NEGR1: variants seen among roughly 807,000 people sequenced by gnomAD.
NEGR1 encodes neuronal growth regulator 1.
NEGR1 carries 10 observed loss-of-function variants against 40.9 expected under a neutral mutation model. The observed-to-expected ratio is 0.24, with a 90% CI of 0.15 to 0.42. NEGR1 has a LOEUF of 0.42. Among genes scored for constraint, NEGR1 ranks in the 10% least tolerant of loss-of-function variants. The probability of loss-of-function intolerance (pLI) is 1.00; values close to 1 mark genes in which losing one functional copy is unlikely to be tolerated. For synonymous variants in NEGR1, 185 were observed against 166.8 expected (o/e 1.11, Z -0.84); for missense variants, 352 against 438.9 (o/e 0.80, Z 1.77).
intron 1 of NEGR1, among the ~76,000 whole-genome samples, chr1:72,213,914 A>G (rs1653700440): frequency 6.6e-6 from 1 of 152,072 alleles, no homozygotes; most frequent in African/African-American, 2.4e-5. Context: ...CACAACAAAA[A>G]AAGAAAATTT....
chr1:71,727,390 T>C (rs1654707555), intron 3 of NEGR1, among the ~76,000 whole-genome samples: 1 of 152,180 alleles, frequency 6.6e-6, no homozygotes, highest in Non-Finnish European at 1.5e-5. Context: ...ACTGAGAAGC[T>C]GAATTGCTAA....
chr1:72,162,189 C>T (rs1570061541), intron 1 of NEGR1, among the ~76,000 whole-genome samples: 1 of 151,842 alleles, frequency 6.6e-6, no homozygotes, highest in Admixed American at 6.6e-5. Flanking sequence ...CAGTGGCTCA[C>T]GCCTTTAATC....
chr1:71,952,279 T>A (rs1468244568), intron 1 of NEGR1, among the ~76,000 whole-genome samples: 1 of 151,970 alleles, frequency 6.6e-6, no homozygotes, highest in African/African-American at 2.4e-5. Context: ...GAAATTAAAA[T>A]TGCTAATCCA....
At chr1:72,016,734 G>A (rs1390286067) in intron 1 of NEGR1, among the ~76,000 whole-genome samples, 1 of 152,144 alleles carries the variant, frequency 6.6e-6, no homozygotes, top group Non-Finnish European at 1.5e-5. Flanking sequence ...CCCCTGCACT[G>A]CTCTTATCTC....
chr1:71,947,089 TACACACACAC>T (rs3078155), intron 1 of NEGR1, among the ~76,000 whole-genome samples: 3,015 of 129,138 alleles, frequency 0.023, 113 homozygotes, highest in African/African-American at 0.078. Context: ...TCCTGTCTCA[TACACACACAC>T]ACACACACAC....
intron 1 of NEGR1, among the ~76,000 whole-genome samples, chr1:72,129,874 C>T (rs1570011560): frequency 6.6e-6 from 1 of 152,184 alleles, no homozygotes; most frequent in Non-Finnish European, 1.5e-5. Flanking sequence ...AATACAACCA[C>T]TTTTCACTAT....
chr1:71,595,135 T>C (rs1649652708), intron 5 of NEGR1, among the ~76,000 whole-genome samples: 1 of 152,200 alleles, frequency 6.6e-6, no homozygotes, highest in African/African-American at 2.4e-5. Context: ...TGTTGCTGAA[T>C]CATGTAGCGC....
At chr1:71,632,460 A>G (rs994834522) in intron 4 of NEGR1, among the ~76,000 whole-genome samples, 2 of 151,132 alleles carry the variant, frequency 1.3e-5, no homozygotes, top group Admixed American at 6.6e-5. Context: ...TGATATTTTA[A>G]TATGATACAA....
chr1:72,140,575 G>A (rs996645496), intron 1 of NEGR1, among the ~76,000 whole-genome samples: 1 of 152,046 alleles, frequency 6.6e-6, no homozygotes, highest in Non-Finnish European at 1.5e-5. Context: ...CGCTGTCACA[G>A]TGACAAATAA....
intron 6 of NEGR1, among the ~76,000 whole-genome samples, chr1:71,434,396 TGTA>T (rs1229623251): frequency 1.3e-5 from 2 of 152,172 alleles, no homozygotes; most frequent in Non-Finnish European, 2.9e-5. Context: ...TGGTACATAT[TGTA>T]GTACTGTAAC....
rs886552625 is a variant in NEGR1 at position 71,805,637 on chromosome 1, A to G, written c.410-29340T>C. On this transcript the variant is annotated intron_variant, in intron 2 of 6. Coordinates refer to ENST00000357731, the MANE Select transcript of NEGR1 (RefSeq NM_173808.3). Reference sequence around the variant, plus strand: ...GATAATTGGAATGTTGTATTTAGCTAGATATTTCATTGCAAGCTCATTACA... The same window carrying G: ...GATAATTGGAATGTTGTATTTAGCTGGATATTTCATTGCAAGCTCATTACA... 8.5e-5 allele frequency among the ~76,000 whole-genome samples: 13 copies of G among 152,302 alleles called. No homozygotes were observed. In the South Asian group the frequency reaches 1.2e-3, roughly 15 times the overall value.
intron 4 of NEGR1, among the ~76,000 whole-genome samples, chr1:71,683,516 G>GT (rs1232620716): frequency 7.1e-6 from 1 of 141,386 alleles, no homozygotes; most frequent in East Asian, 1.9e-4. Flanking sequence ...CATCTTAGTT[G>GT]TTTAAGTCCA....
At chr1:71,903,852 T>G (rs1661207365) in intron 2 of NEGR1, among the ~76,000 whole-genome samples, 1 of 151,746 alleles carries the variant, frequency 6.6e-6, no homozygotes, top group Admixed American at 6.6e-5. Context: ...AATGATGTAT[T>G]TTTCTATTAA....
At chr1:71,755,074 T>C (rs996899266) in intron 3 of NEGR1, among the ~76,000 whole-genome samples, 1 of 152,234 alleles carries the variant, frequency 6.6e-6, no homozygotes, top group Non-Finnish European at 1.5e-5. Flanking sequence ...TAACATGCCT[T>C]ACAATTAACA....
At chr1:72,094,141 TTCC>T (rs1191109957) in intron 1 of NEGR1, among the ~76,000 whole-genome samples, 1 of 152,148 alleles carries the variant, frequency 6.6e-6, no homozygotes, top group Non-Finnish European at 1.5e-5. Context: ...CTCTGATGCT[TTCC>T]TGATGCTCAA....
At chr1:71,576,810 C>A (rs1178141826) in intron 6 of NEGR1, among the ~76,000 whole-genome samples, 1 of 152,158 alleles carries the variant, frequency 6.6e-6, no homozygotes, top group Non-Finnish European at 1.5e-5. Flanking sequence ...TTCCTTCCCT[C>A]TTTTCTTCTT....
intron 3 of NEGR1, among the ~76,000 whole-genome samples, chr1:71,702,160 C>G (rs1343985777): frequency 6.6e-6 from 1 of 152,054 alleles, no homozygotes; most frequent in East Asian, 1.9e-4. Flanking sequence ...TAAATCAACT[C>G]AAAATCAATT....
At chr1:71,618,695 T>C (rs1397259827) in intron 4 of NEGR1, among the ~76,000 whole-genome samples, 2 of 152,118 alleles carry the variant, frequency 1.3e-5, no homozygotes, top group African/African-American at 4.8e-5. Context: ...ATAAATATAA[T>C]GCACTTGAAT....
chr1:71,683,180 T>G (rs994927361), intron 4 of NEGR1, among the ~76,000 whole-genome samples: 2 of 152,118 alleles, frequency 1.3e-5, no homozygotes, highest in African/African-American at 4.8e-5. Flanking sequence ...ATTCCTTGCA[T>G]CTACTTCTGA....
Sources: gnomAD v4.1 joint callset for allele counts (sites outside exome capture counted in the v4.1 genomes callset) on GRCh38, gnomAD v4.1.1 for gene constraint, MANE v1.5 for transcripts, NCBI Gene and HGNC (gene_info 2026-07-23, HGNC 2026-07-21) for gene names.